The following CAMKK1 variants were observed in gnomAD, a reference collection of about 807,000 sequenced individuals.
The protein encoded by CAMKK1 is calcium/calmodulin-dependent protein kinase kinase 1.
Under a neutral mutation model 63.5 loss-of-function variants are expected in CAMKK1, and 20 were observed. The ratio of observed to expected loss-of-function variants is 0.32; its 90% CI spans 0.22 to 0.46. The LOEUF (loss-of-function observed/expected upper bound fraction) is 0.46. Among genes scored for constraint, CAMKK1 ranks in the 20% least tolerant of loss-of-function variants. The pLI is 1.00. For synonymous variants in CAMKK1, 253 were observed against 269.0 expected (o/e 0.94, Z 0.58); for missense variants, 588 against 658.1 (o/e 0.89, Z 1.17).
rs2055537628 is a variant in CAMKK1, at chr17:3,884,088, T to C, written c.409-151A>G. 3 of 807,274 alleles carry C rather than the reference T, an allele frequency of 3.7e-6. No homozygotes were observed. Among genetic ancestry groups the C allele is most frequent in the African/African-American group, 1.7e-5 (1 of 59,034 alleles). The allele number at this position is 807,274 out of a possible 1,614,324, so 50.0% of individuals were successfully genotyped here. On this transcript the variant is annotated intron_variant, in intron 3 of 15. Transcript: ENST00000348335. This position sits in a 1 kb window ranked among gnomAD's most constrained non-coding sequence, Gnocchi z 4.5. Reference sequence around the variant, plus strand: ...GCTCACGGGCAAATATTGTAGCAGATGGGGAGGGGACTCCTGCGCCCTGGT... The same window carrying C: ...GCTCACGGGCAAATATTGTAGCAGACGGGGAGGGGACTCCTGCGCCCTGGT...
chr17:3,871,082 C>A (rs1053637348), intron 12 of CAMKK1, among the ~76,000 whole-genome samples: 4 of 152,058 alleles, frequency 2.6e-5, no homozygotes, highest in Admixed American at 2.6e-4. Flanking sequence ...TCAGGGCTGT[C>A]CCCGCCTGAA....
rs772613233 is a variant in CAMKK1, at chr17:3,883,873, C to T, written c.462+11G>A. Reference sequence around the variant, plus strand: ...GCTTGGGCAACACCTCCCTCGTATCCCCAGACTCACATAGTGTCTGTCTTC... The same window carrying T: ...GCTTGGGCAACACCTCCCTCGTATCTCCAGACTCACATAGTGTCTGTCTTC... On this transcript the variant is annotated intron_variant, in intron 4 of 15. Coordinates refer to ENST00000348335, the MANE Select transcript of CAMKK1 (RefSeq NM_032294.3). The surrounding 1 kb of genome is among the most constrained non-coding windows in gnomAD (Gnocchi z 4.7). 13 of 1,613,480 alleles carry T rather than the reference C, an allele frequency of 8.1e-6. No homozygotes were observed. Among genetic ancestry groups the T allele is most frequent in the Non-Finnish European group, 1.1e-5 (13 of 1,179,698 alleles).
chr17:3,873,316 G>T, intron 11 of CAMKK1, 93 bp downstream of exon 11: 1 of 1,150,794 alleles, frequency 8.7e-7, no homozygotes, highest in Non-Finnish European at 1.3e-6. Flanking sequence ...TCTTTCAAAA[G>T]CCACTTAAGG....
chr17:3,865,701 G>C (rs2054491294), intron 15 of CAMKK1: 2 of 1,413,948 alleles, frequency 1.4e-6, no homozygotes, highest in South Asian at 1.5e-5. Flanking sequence ...CTGGCCCCAG[G>C]AATGAAGCAA....
At chr17:3,868,387 CCCATCTA>C (rs2054662801) in intron 14 of CAMKK1, among the ~76,000 whole-genome samples, 1 of 145,166 alleles carries the variant, frequency 6.9e-6, no homozygotes, top group Non-Finnish European at 1.5e-5. Flanking sequence ...GAGACGCAGG[CCCATCTA>C]ACTGATATGT....
intron 8 of CAMKK1, 35 bp downstream of exon 8, chr17:3,881,592 A>T: frequency 6.4e-7 from 1 of 1,561,102 alleles, no homozygotes; most frequent in South Asian, 1.2e-5. Flanking sequence ...GGCCTGGATG[A>T]GAATTGACCT....
intron 14 of CAMKK1, among the ~76,000 whole-genome samples, chr17:3,866,381 C>A (rs557240008): frequency 3.2e-4 from 49 of 152,240 alleles, no homozygotes; most frequent in Non-Finnish European, 6.8e-4. Context: ...GCCTTCCGGC[C>A]GCCGAGAAGA....
In CAMKK1 at chr17:3,893,019, G is replaced by GCCCCGCCCCGCCCCA. The variant is rs2055961699; in HGVS notation, c.-125_-124insTGGGGCGGGGCGGGG. On this transcript the variant is annotated 5_prime_UTR_variant, in exon 1 of 16. Coordinates refer to ENST00000348335, the MANE Select transcript of CAMKK1 (RefSeq NM_032294.3). The surrounding 1 kb of genome is among the most constrained non-coding windows in gnomAD (Gnocchi z 4.6). ...TGCGCGCCCCGCCCCGCCCCGCCCC[G>GCCCCGCCCCGCCCCA]CCCCACCGCCTCGCTGGGGCCCAGA... is the stretch of plus-strand genomic sequence containing the variant. The GCCCCGCCCCGCCCCA allele has an allele frequency of 1.0e-5, 1 of 100,468 alleles. No homozygotes were observed. The highest frequency in any genetic ancestry group is 2.3e-5 in the Non-Finnish European group (1 of 44,422). The allele number at this position is 100,468 out of a possible 1,614,324, so 6.2% of individuals were successfully genotyped here.
chr17:3,870,571 T>A (rs557506846), intron 12 of CAMKK1, among the ~76,000 whole-genome samples: 1 of 152,212 alleles, frequency 6.6e-6, no homozygotes, highest in African/African-American at 2.4e-5. Context: ...TTCACCGTGT[T>A]AGCCAGGATG....
chr17:3,880,189 T>C, intron 9 of CAMKK1, 157 bp downstream of exon 9: 1 of 545,406 alleles, frequency 1.8e-6, no homozygotes, highest in Non-Finnish European at 3.3e-6. Context: ...CAAAAAGGCC[T>C]TTGGCCCCGC....
intron 1 of CAMKK1, among the ~76,000 whole-genome samples, chr17:3,891,125 G>T (rs1166681114): frequency 6.6e-6 from 1 of 150,500 alleles, no homozygotes; most frequent in African/African-American, 2.5e-5. Flanking sequence ...GGGGGTCACA[G>T]GCTAGGGAGC....
intron 14 of CAMKK1, among the ~76,000 whole-genome samples, chr17:3,867,758 C>T (rs2054592244): frequency 6.6e-6 from 1 of 152,162 alleles, no homozygotes; most frequent in South Asian, 2.1e-4. Context: ...ACGGCAGTGG[C>T]CCTGGCTCTC....
chr17:3,863,048 TG>T (rs1422335950), intron 15 of CAMKK1, among the ~76,000 whole-genome samples: 1 of 152,258 alleles, frequency 6.6e-6, no homozygotes, highest in East Asian at 1.9e-4. Context: ...CTATCAGTCT[TG>T]GGATTCTGTC....
At position 3,889,088 on chromosome 17, in the gene CAMKK1, G is replaced by A. The variant is rs887924399; in HGVS notation, c.-43-3358C>T. 1.3e-5 allele frequency among the ~76,000 whole-genome samples: 2 copies of A among 152,130 alleles called. No individual in the cohort carries two copies. The highest frequency in any genetic ancestry group is 4.8e-5 in the African/African-American group (2 of 41,418). On this transcript the variant is annotated intron_variant, in intron 1 of 15. Coordinates refer to ENST00000348335, the MANE Select transcript of CAMKK1 (RefSeq NM_032294.3). The surrounding 1 kb of genome is among the most constrained non-coding windows in gnomAD (Gnocchi z 5.2). ...TGGTCCGCGCCCCTGGGGGCCCTGG[G>A]AGCCTGATCCCAGAGCTCATATCTG...
rs1321611694 is a variant in CAMKK1, at chr17:3,876,379, G to A, written c.840C>T (p.Asn280=). Residue 280 remains asparagine, a synonymous_variant, in exon 10 of 16, where the codon AAC becomes AAT. Transcript: ENST00000348335. ...CGTGCCCATCATCCCCCAGGAGCAGGTTGGATGGCTTGATGTCCCTGTGGA... is the reference window on the plus strand; with the variant it reads ...CGTGCCCATCATCCCCCAGGAGCAGATTGGATGGCTTGATGTCCCTGTGGA... ...KIVHRDIKPS[N]LLLGDDGHVK... is the part of the protein sequence containing the mutation. 1 of 1,614,246 alleles carries A rather than the reference G, an allele frequency of 6.2e-7. No individual in the cohort carries two copies.
At chr17:3,878,711 T>A (rs1251522232) in intron 9 of CAMKK1, 2 of 152,160 alleles carry the variant, frequency 1.3e-5, no homozygotes, top group African/African-American at 4.8e-5. Flanking sequence ...CTCAGCCAGA[T>A]CCCCACCCTG....
At chr17:3,875,464 T>C (rs2055107211) in intron 10 of CAMKK1, among the ~76,000 whole-genome samples, 1 of 152,038 alleles carries the variant, frequency 6.6e-6, no homozygotes, top group East Asian at 1.9e-4. Context: ...TTATTTTTTT[T>C]TTTGTAGAAA....
Position 3,865,942 on chromosome 17 carries a change from C to T in CAMKK1, c.1411G>A (p.Glu471Lys). 1 of 1,614,238 alleles carries T rather than the reference C, an allele frequency of 6.2e-7. No homozygotes were observed. Among genetic ancestry groups the T allele is most frequent in the East Asian group, 2.2e-5 (1 of 44,890 alleles). The change falls in exon 15 of 16, where the codon GAG becomes AAG. Residue 471 changes from glutamate (E) to lysine (K), a missense_variant. By Grantham distance (56) the Glu-to-Lys change is moderately conservative. Coordinates refer to ENST00000348335, the MANE Select transcript of CAMKK1 (RefSeq NM_032294.3). Reference sequence around the variant, plus strand: ...TTTCCTGGAGCAGACATGGATCGCTCTTCCCTCCGTGCTTGGGGCTCAAAC... The same window carrying T: ...TTTCCTGGAGCAGACATGGATCGCTTTTCCCTCCGTGCTTGGGGCTCAAAC... ...NPFEPQARREERSMSAPGNLL... is the reference protein window; with the variant it reads ...NPFEPQARREKRSMSAPGNLL...
chr17:3,869,409 C>A (rs1159255132), intron 14 of CAMKK1, 78 bp downstream of exon 14: 12 of 1,576,556 alleles, frequency 7.6e-6, no homozygotes, highest in East Asian at 6.7e-5. Flanking sequence ...TCTGTCCCCC[C>A]AAGGAGCCAG....
Sources: allele counts gnomAD v4.1 joint callset (sites outside exome capture counted in the v4.1 genomes callset), GRCh38; gene constraint gnomAD v4.1.1; non-coding constraint Gnocchi (gnomAD v3.1); transcripts MANE v1.5; gene names NCBI Gene and HGNC (gene_info 2026-07-23, HGNC 2026-07-21).